CAMK2D: variants seen among roughly 807,000 people sequenced by gnomAD.
CAMK2D encodes the protein calcium/calmodulin dependent protein kinase II delta.
A neutral mutation model predicts 84.0 loss-of-function variants in CAMK2D; 37 were observed. The observed-to-expected ratio is 0.44, with a 90% CI of 0.34 to 0.58. The LOEUF (loss-of-function observed/expected upper bound fraction) is 0.58. Ranked by LOEUF, CAMK2D falls within the 20% of genes least tolerant of loss-of-function variation. The pLI is 0.02. For missense variants in CAMK2D, 448 were observed against 652.5 expected, an observed-to-expected ratio of 0.69 and a Z score of 3.41; for synonymous variants, 202 against 212.5, an observed-to-expected ratio of 0.95 and a Z score of 0.43.
intron 5 of CAMK2D, among the ~76,000 whole-genome samples, chr4:113,549,909 T>A (rs1591081770): frequency 6.6e-6 from 1 of 152,342 alleles, no homozygotes; most frequent in East Asian, 1.9e-4. Context: ...TGCTGTTGAC[T>A]ACATTGTTTA....
rs112369897 is a variant in CAMK2D, at chr4:113,506,911, A to C, written c.985-1876T>G. 7.8e-3 allele frequency among the ~76,000 whole-genome samples: 1,158 copies of C among 148,800 alleles called. 19 individuals are homozygous for C. The highest frequency in any genetic ancestry group is 0.028 in the African/African-American group (1,095 of 39,174). ...CATGTTCCCCCCCCCACACACACAC[A>C]CCTACACACATTCACACACAGATAC... On this transcript the variant is annotated intron_variant, in intron 13 of 20. Coordinates refer to ENST00000511664, the MANE Select transcript of CAMK2D (RefSeq NM_001321571.2).
intron 4 of CAMK2D, among the ~76,000 whole-genome samples, chr4:113,603,609 T>A (rs1186309728): frequency 6.6e-6 from 1 of 150,976 alleles, no homozygotes; most frequent in Non-Finnish European, 1.5e-5. Context: ...CCTGAGTCTA[T>A]GTGCAAAAGA....
intron 2 of CAMK2D, among the ~76,000 whole-genome samples, chr4:113,722,868 C>A (rs1182296447): frequency 6.6e-6 from 1 of 152,088 alleles, no homozygotes; most frequent in Non-Finnish European, 1.5e-5. Context: ...AGCTATTTCA[C>A]CTTCACCAAA....
intron 16 of CAMK2D, among the ~76,000 whole-genome samples, chr4:113,478,042 C>T (rs2097652297): frequency 6.6e-6 from 1 of 151,848 alleles, no homozygotes; most frequent in African/African-American, 2.4e-5. Context: ...AATTAATATT[C>T]CACACTTAGG....
At chr4:113,670,795 G>C (rs2099278057) in intron 2 of CAMK2D, among the ~76,000 whole-genome samples, 1 of 152,004 alleles carries the variant, frequency 6.6e-6, no homozygotes, top group African/African-American at 2.4e-5. Context: ...GGGCACAGTG[G>C]TGGGCGCCTG....
intron 9 of CAMK2D, among the ~76,000 whole-genome samples, chr4:113,516,013 ACAC>A (rs1284927345): frequency 6.6e-6 from 1 of 152,240 alleles, no homozygotes; most frequent in Non-Finnish European, 1.5e-5. Flanking sequence ...AGGGAAATTT[ACAC>A]CACATTAGTT....
At chr4:113,642,049 T>C (rs1238342288) in intron 3 of CAMK2D, among the ~76,000 whole-genome samples, 5 of 151,696 alleles carry the variant, frequency 3.3e-5, no homozygotes, top group African/African-American at 4.8e-5. Flanking sequence ...AAACAATAAA[T>C]AAATAAAACA....
intron 4 of CAMK2D, among the ~76,000 whole-genome samples, chr4:113,579,424 T>C (rs1374285984): frequency 2.6e-5 from 4 of 152,210 alleles, no homozygotes. Context: ...AGATGGGGCA[T>C]AGTGGGAGGT....
intron 13 of CAMK2D, among the ~76,000 whole-genome samples, chr4:113,507,914 AAC>A (rs1305095482): frequency 1.3e-5 from 2 of 151,720 alleles, no homozygotes; most frequent in African/African-American, 2.4e-5. Context: ...CATTAAAAAA[AAC>A]ATATAGTTTT....
At chr4:113,672,125 A>C (rs1384496523) in intron 2 of CAMK2D, among the ~76,000 whole-genome samples, 1 of 152,166 alleles carries the variant, frequency 6.6e-6, no homozygotes, top group Non-Finnish European at 1.5e-5. Context: ...ACCTCAGATA[A>C]TTTATAATAT....
intron 4 of CAMK2D, among the ~76,000 whole-genome samples, chr4:113,585,740 A>ATAGAT (rs76952485): frequency 0.7 from 105,815 of 150,856 alleles, 37,325 homozygotes; most frequent in Middle Eastern, 0.75. Flanking sequence ...AGTATATAGT[A>ATAGAT]CAGTATATAG....
chr4:113,511,860 T>A (rs2098219033), intron 12 of CAMK2D, among the ~76,000 whole-genome samples: 1 of 152,186 alleles, frequency 6.6e-6, no homozygotes, highest in African/African-American at 2.4e-5. Context: ...GAAAGGCCTC[T>A]TATGGTTTCC....
rs141308773 is a variant in CAMK2D at position 113,669,909 on chromosome 4, A to T, written c.161-8137T>A. Among the ~76,000 whole-genome samples, 21 of 152,266 alleles carry T rather than the reference A, an allele frequency of 1.4e-4. No individual in the cohort carries two copies. In the East Asian group the frequency reaches 4.1e-3, roughly 29 times the overall value. ...GACCTGTCCAAAGGAGGAAATCAAA[A>T]CTTCCAGATGGCATTAGGACACATG... On this transcript the variant is annotated intron_variant, in intron 2 of 20. Coordinates refer to ENST00000511664, the MANE Select transcript of CAMK2D (RefSeq NM_001321571.2).
chr4:113,683,846 C>T (rs985204271), intron 2 of CAMK2D, among the ~76,000 whole-genome samples: 6 of 152,260 alleles, frequency 3.9e-5, no homozygotes, highest in Admixed American at 2.6e-4. Context: ...ATCAGAGGCA[C>T]GAGGAACCAG....
At chr4:113,752,391 TAA>T (rs1463569864) in intron 2 of CAMK2D, among the ~76,000 whole-genome samples, 10 of 152,274 alleles carry the variant, frequency 6.6e-5, no homozygotes, top group South Asian at 4.1e-4. Context: ...TTGCTGCACC[TAA>T]GTTATTTTTT....
At chr4:113,708,591 T>A (rs568471325) in intron 2 of CAMK2D, among the ~76,000 whole-genome samples, 166 of 148,850 alleles carry the variant, frequency 1.1e-3, no homozygotes, top group East Asian at 9.7e-4. Flanking sequence ...TGGGAGAAAG[T>A]TTTTTTTTCC....
intron 4 of CAMK2D, among the ~76,000 whole-genome samples, chr4:113,581,939 C>T (rs1409142930): frequency 6.6e-6 from 1 of 152,174 alleles, no homozygotes; most frequent in African/African-American, 2.4e-5. Context: ...GTACTATGCT[C>T]ATCTCCCTTT....
chr4:113,669,516 G>C (rs1330519110), intron 2 of CAMK2D, among the ~76,000 whole-genome samples: 1 of 152,076 alleles, frequency 6.6e-6, no homozygotes, highest in African/African-American at 2.4e-5. Flanking sequence ...GTGGACTGTA[G>C]ATTTCCTTTG....
At chr4:113,460,922 C>A (rs2154105510) in intron 17 of CAMK2D, among the ~76,000 whole-genome samples, 1 of 152,190 alleles carries the variant, frequency 6.6e-6, no homozygotes, top group Admixed American at 6.6e-5. Context: ...GGACTCTAGG[C>A]ACAAGTGATC....
Sources: gnomAD v4.1 joint callset for allele counts (sites outside exome capture counted in the v4.1 genomes callset) on GRCh38, gnomAD v4.1.1 for gene constraint, MANE v1.5 for transcripts, NCBI Gene and HGNC (gene_info 2026-07-23, HGNC 2026-07-21) for gene names.